Variants in CCDC102A observed in about 807,000 individuals in gnomAD.
The protein encoded by CCDC102A is coiled-coil domain-containing protein 102A.
Under a neutral mutation model 55.5 loss-of-function variants are expected in CCDC102A, and 40 were observed. The ratio of observed to expected loss-of-function variants is 0.72; its 90% CI spans 0.56 to 0.94. The LOEUF (loss-of-function observed/expected upper bound fraction) is 0.94, where lower values mean the gene tolerates loss of function less well. Ranked by LOEUF, CCDC102A falls within the 40% of genes least tolerant of loss-of-function variation. CCDC102A has a pLI of 0.00. For synonymous variants in CCDC102A, 323 were observed against 339.0 expected (o/e 0.95, Z 0.52); for missense variants, 779 against 768.6 (o/e 1.01, Z -0.16).
chr16:57,518,371 G>C, intron 5 of CCDC102A, 94 bp from the exon 6 acceptor site: 2 of 1,196,258 alleles, frequency 1.7e-6, no homozygotes, highest in African/African-American at 1.5e-5. Context: ...GCCATTTTTG[G>C]CTCCAGGAAG....
At chr16:57,532,742 G>A (rs1397626274) in intron 1 of CCDC102A, among the ~76,000 whole-genome samples, 1 of 150,076 alleles carries the variant, frequency 6.7e-6, no homozygotes, top group Non-Finnish European at 1.5e-5. Context: ...CACAGAGGCA[G>A]ACACACACAC....
At chr16:57,513,594 T>C (rs2031903525) in intron 8 of CCDC102A, among the ~76,000 whole-genome samples, 1 of 152,242 alleles carries the variant, frequency 6.6e-6, no homozygotes, top group Non-Finnish European at 1.5e-5. Flanking sequence ...CCCTCCCCGA[T>C]GGAAGCACTT....
At chr16:57,521,974 A>G (rs1227652194) in intron 3 of CCDC102A, among the ~76,000 whole-genome samples, 3 of 152,214 alleles carry the variant, frequency 2.0e-5, no homozygotes, top group African/African-American at 7.2e-5. Flanking sequence ...ATTTTTGGCT[A>G]TCACAATGAT....
chr16:57,517,082 C>T (rs776550791), intron 6 of CCDC102A, among the ~76,000 whole-genome samples: 3 of 152,162 alleles, frequency 2.0e-5, no homozygotes, highest in Non-Finnish European at 2.9e-5. Context: ...AGCTTCCCCC[C>T]AGCCTGTCTT....
At chr16:57,521,008 T>A in intron 4 of CCDC102A, 60 bp downstream of exon 4, 1 of 1,063,450 alleles carries the variant, frequency 9.4e-7, no homozygotes, top group Non-Finnish European at 1.5e-6. Context: ...TCTCCACTAC[T>A]GAAATTCAAC....
chr16:57,531,067 C>T (rs1312047368), intron 1 of CCDC102A, among the ~76,000 whole-genome samples: 3 of 151,974 alleles, frequency 2.0e-5, no homozygotes, highest in African/African-American at 7.3e-5. Flanking sequence ...CCCTGGGCCC[C>T]CTTCTCCTCT....
chr16:57,529,220 T>C lies in CCDC102A; in HGVS notation c.-43A>G. On this transcript the variant is annotated 5_prime_UTR_variant, in exon 2 of 9. The change abolishes the stop of an existing upstream ORF in the 5' untranslated region. Coordinates refer to ENST00000258214, the MANE Select transcript of CCDC102A (RefSeq NM_033212.4). This position sits in a 1 kb window ranked among gnomAD's most constrained non-coding sequence, Gnocchi z 4.1. ...CCTGAGCTCGAACTCGCGGTCGGGC[T>C]CAGGGGCGGCTCCGGGGACGCGCGG... 8.7e-7 allele frequency: 1 copy of C among 1,151,886 alleles called. No individual in the cohort carries two copies. Among genetic ancestry groups the C allele is most frequent in the Non-Finnish European group, 1.1e-6 (1 of 935,558 alleles). The allele number at this position is 1,151,886 out of a possible 1,614,324, so 71.4% of individuals were successfully genotyped here. A position where few individuals can be genotyped will look rare whatever the true frequency, so the allele number is the denominator to read the frequency against.
Position 57,516,754 on chromosome 16 carries a change from G to A in CCDC102A, c.1249-291C>T, listed in dbSNP as rs2031961851. ...ATCTACCCTGGAGCTGTTGGAGCAGGGTCGGGGTTTCCGGGGAAGGATGAG... is the reference window on the plus strand; with the variant it reads ...ATCTACCCTGGAGCTGTTGGAGCAGAGTCGGGGTTTCCGGGGAAGGATGAG... On this transcript the variant is annotated intron_variant, in intron 6 of 8. Coordinates refer to ENST00000258214, the MANE Select transcript of CCDC102A (RefSeq NM_033212.4). The surrounding 1 kb of genome is among the most constrained non-coding windows in gnomAD (Gnocchi z 4.4). Among the ~76,000 whole-genome samples the A allele has an allele frequency of 6.6e-6, 1 of 152,140 alleles. No homozygotes were observed. Among genetic ancestry groups the A allele is most frequent in the African/African-American group, 2.4e-5 (1 of 41,408 alleles).
chr16:57,513,422 G>A (rs899901549), intron 8 of CCDC102A, among the ~76,000 whole-genome samples: 21 of 152,298 alleles, frequency 1.4e-4, no homozygotes, highest in Admixed American at 8.5e-4. Flanking sequence ...CAAAGTGGCC[G>A]CCCCGGCTGC....
chr16:57,521,049 T>A lies in CCDC102A; in HGVS notation c.921+19A>T, dbSNP rs767922551. ...GATCCTGCCGCCTCCAGGAAGACCC[T>A]CTGGTCTCCAAGACTCACCTGCTTG... On this transcript the variant is annotated intron_variant, in intron 4 of 8. Coordinates refer to ENST00000258214, the MANE Select transcript of CCDC102A (RefSeq NM_033212.4). 36 of 1,552,740 alleles carry A rather than the reference T, an allele frequency of 2.3e-5. No individual in the cohort carries two copies. Among genetic ancestry groups the A allele is most frequent in the Non-Finnish European group, 3.0e-5 (34 of 1,124,968 alleles).
chr16:57,521,177 C>G lies in CCDC102A; in HGVS notation c.813-1G>C. On this transcript the variant is annotated splice_acceptor_variant, in intron 3 of 8. Coordinates refer to ENST00000258214, the MANE Select transcript of CCDC102A (RefSeq NM_033212.4). LOFTEE classifies it high-confidence loss of function. ...GTTCCTGCTCAACGCCAGTTTATCC[C>G]TGGGGAAGGGACAGACATGGGGGTG... The G allele has an allele frequency of 1.9e-6, 3 of 1,610,718 alleles. No individual in the cohort carries two copies. The highest frequency in any genetic ancestry group is 2.5e-6 in the Non-Finnish European group (3 of 1,178,488).
At chr16:57,520,738 G>A (rs756225851) in intron 4 of CCDC102A, among the ~76,000 whole-genome samples, 12 of 151,938 alleles carry the variant, frequency 7.9e-5, no homozygotes, top group Middle Eastern at 3.4e-3. Flanking sequence ...CCAGGAGTTC[G>A]AGACCAGTCT....
chr16:57,515,523 C>T (rs1567601067), intron 7 of CCDC102A, 79 bp from the exon 8 acceptor site: 18 of 840,520 alleles, frequency 2.1e-5, no homozygotes, highest in Non-Finnish European at 2.7e-5. Context: ...GGGAAAACCA[C>T]TCCTGCTGTT....
intron 3 of CCDC102A, among the ~76,000 whole-genome samples, chr16:57,523,820 T>C (rs2032090387): frequency 6.6e-6 from 1 of 152,016 alleles, no homozygotes; most frequent in South Asian, 2.1e-4. Context: ...GTGGCTAATT[T>C]TTTAGCCACC....
intron 1 of CCDC102A, among the ~76,000 whole-genome samples, chr16:57,535,130 G>T (rs1404869473): frequency 1.3e-5 from 2 of 152,208 alleles, no homozygotes; most frequent in Non-Finnish European, 2.9e-5. Flanking sequence ...AAACCACAGA[G>T]GACAGCCTGA....
chr16:57,521,247 C>T, intron 3 of CCDC102A, 71 bp from the exon 4 acceptor site: 1 of 1,155,724 alleles, frequency 8.7e-7, no homozygotes, highest in South Asian at 1.2e-5. Context: ...AAGGGTGGCC[C>T]TGCTGTGTGC....
Position 57,528,755 on chromosome 16 carries a change from G to A in CCDC102A, c.423C>T (p.Arg141=). The A allele has an allele frequency of 8.5e-7, 1 of 1,176,496 alleles. No individual in the cohort carries two copies. The highest frequency in any genetic ancestry group is 1.1e-6 in the Non-Finnish European group (1 of 944,840). 72.9% of individuals were successfully genotyped at this position (1,176,496 alleles called of 1,614,324 possible). A position where few individuals can be genotyped will look rare whatever the true frequency, so the allele number is the denominator to read the frequency against. Residue 141 remains arginine, a synonymous_variant, in exon 2 of 9, where the codon CGC becomes CGT. Coordinates refer to ENST00000258214, the MANE Select transcript of CCDC102A (RefSeq NM_033212.4). ...ACTCGCCCTGCGCCTCTTGGCGCTCGCGCCGTGCGCCCGCCAGCTCCTTGG... is the reference window on the plus strand; with the variant it reads ...ACTCGCCCTGCGCCTCTTGGCGCTCACGCCGTGCGCCCGCCAGCTCCTTGG... ...ALTKELAGAR[R]ERQEAQGECE... is the part of the protein sequence containing the mutation.
chr16:57,513,648 G>C (rs545438507), intron 8 of CCDC102A, among the ~76,000 whole-genome samples: 1 of 152,266 alleles, frequency 6.6e-6, no homozygotes, highest in Non-Finnish European at 1.5e-5. Context: ...GGAGTTTATG[G>C]CTCCTGAACA....
At position 57,516,348 on chromosome 16, in the gene CCDC102A, T is replaced by C; in HGVS notation, c.1364A>G (p.Lys455Arg). 1 of 1,608,834 alleles carries C rather than the reference T, an allele frequency of 6.2e-7. No individual in the cohort carries two copies. The change falls in exon 7 of 9, where the codon AAG (lysine) becomes AGG (arginine). Residue 455 changes from lysine to arginine, a missense_variant. By Grantham distance (26) the Lys-to-Arg change is conservative. Transcript: ENST00000258214. The surrounding 1 kb of genome is among the most constrained non-coding windows in gnomAD (Gnocchi z 4.4). ...GAGCTCCTCCACCCGCAGCCGCAGC[T>C]TCTTCACCTCAGCCTCGTGCTGCTC... ...RVEQHEAEVKKLRLRVEELKK... is the reference protein window; with the variant it reads ...RVEQHEAEVKRLRLRVEELKK...
Sources: allele counts gnomAD v4.1 joint callset (sites outside exome capture counted in the v4.1 genomes callset), GRCh38; gene constraint gnomAD v4.1.1; non-coding constraint Gnocchi (gnomAD v3.1); transcripts MANE v1.5; gene names NCBI Gene and HGNC (gene_info 2026-07-23, HGNC 2026-07-21).